ERI3: variants seen among roughly 807,000 people sequenced by gnomAD.
The protein encoded by ERI3 is ERI1 exoribonuclease family member 3, also known as ERI1 exoribonuclease 3.
ERI3 carries 18 observed loss-of-function variants against 44.4 expected under a neutral mutation model. The observed-to-expected ratio is 0.41, with a 90% CI of 0.28 to 0.60. The LOEUF is 0.60. ERI3 is among the 20% of genes least tolerant of loss of function. The pLI, the probability that ERI3 is intolerant of heterozygous loss-of-function variation, is 0.36. For missense variants in ERI3, 294 were observed against 435.5 expected (o/e 0.68, Z 2.89); for synonymous variants, 183 against 164.8 (o/e 1.11, Z -0.84).
chr1:44,257,254 C>A (rs1644800411), intron 7 of ERI3, among the ~76,000 whole-genome samples: 1 of 152,112 alleles, frequency 6.6e-6, no homozygotes, highest in African/African-American at 2.4e-5. Flanking sequence ...TATTACATCT[C>A]TATAATTAAC....
chr1:44,330,979 G>C (rs1646415778), intron 3 of ERI3, among the ~76,000 whole-genome samples: 1 of 152,138 alleles, frequency 6.6e-6, no homozygotes, highest in Non-Finnish European at 1.5e-5. Flanking sequence ...TGGAGGTAGG[G>C]AGAAGTGAAG....
At position 44,235,442 on chromosome 1, in the gene ERI3, G is replaced by A. The variant is rs965963103; in HGVS notation, c.931+12497C>T. The stretch of plus-strand genomic sequence containing the variant: ...GTGCTCCCACAGCAGCCAATTCTCC[G>A]CCTATCGTAACTGCCTCTCCTTCAC... On this transcript the variant is annotated intron_variant, in intron 8 of 8. Transcript: ENST00000372257. The surrounding 1 kb of genome is among the most constrained non-coding windows in gnomAD (Gnocchi z 4.6). Among the ~76,000 whole-genome samples, 8 of 152,000 alleles carry A rather than the reference G, an allele frequency of 5.3e-5. No individual in the cohort carries two copies. Among genetic ancestry groups the A allele is most frequent in the African/African-American group, 1.9e-4 (8 of 41,370 alleles).
chr1:44,335,276 G>A (rs1452391134), intron 3 of ERI3, among the ~76,000 whole-genome samples: 1 of 151,864 alleles, frequency 6.6e-6, no homozygotes, highest in Admixed American at 6.6e-5. Context: ...CCAGGAGGTT[G>A]AGGCTGAAGG....
At position 44,355,219 on chromosome 1, in the gene ERI3, A is replaced by T; in HGVS notation, c.-193T>A. ...ACCGCCCGTTCCCGGCCGCCTGAAC[A>T]GCGGCAGCCAGCACCACGAGTCCAC... is the stretch of plus-strand genomic sequence containing the variant. On this transcript the variant is annotated 5_prime_UTR_variant, in exon 1 of 9. Transcript: ENST00000372257. 1 of 1,187,054 alleles carries T rather than the reference A, an allele frequency of 8.4e-7. No homozygotes were observed. The highest frequency in any genetic ancestry group is 1.0e-6 in the Non-Finnish European group (1 of 959,422). The allele number at this position is 1,187,054 out of a possible 1,614,324, so 73.5% of individuals were successfully genotyped here. A position where few individuals can be genotyped will look rare whatever the true frequency, so the allele number is the denominator to read the frequency against.
chr1:44,336,334 A>T (rs779876325), intron 3 of ERI3, among the ~76,000 whole-genome samples: 2 of 152,194 alleles, frequency 1.3e-5, no homozygotes, highest in Non-Finnish European at 2.9e-5. Context: ...AAGCTCTCCC[A>T]TAAAAAAGGG....
intron 7 of ERI3, among the ~76,000 whole-genome samples, chr1:44,272,920 G>GT (rs571018430): frequency 5.2e-4 from 78 of 151,266 alleles, no homozygotes; most frequent in Admixed American, 2.1e-3. Context: ...ATTTACTATA[G>GT]TTTTTTTTTC....
intron 8 of ERI3, among the ~76,000 whole-genome samples, chr1:44,237,176 T>C (rs944295854): frequency 2.0e-5 from 3 of 152,008 alleles, no homozygotes; most frequent in African/African-American, 4.8e-5. Flanking sequence ...AACCCTATGG[T>C]AGAACCAGGA....
At chr1:44,282,007 T>C (rs924747406) in intron 7 of ERI3, among the ~76,000 whole-genome samples, 2 of 151,038 alleles carry the variant, frequency 1.3e-5, no homozygotes, top group Admixed American at 6.6e-5. Context: ...CTGTCTAAGA[T>C]GACAGCTCAA....
chr1:44,249,237 G>C (rs1385194494), intron 7 of ERI3, among the ~76,000 whole-genome samples: 2 of 152,180 alleles, frequency 1.3e-5, no homozygotes, highest in African/African-American at 4.8e-5. Flanking sequence ...GCAGTGGTCA[G>C]AATGAAGCTT....
intron 7 of ERI3, among the ~76,000 whole-genome samples, chr1:44,267,701 C>A (rs1645016092): frequency 6.6e-6 from 1 of 152,220 alleles, no homozygotes; most frequent in South Asian, 2.1e-4. Flanking sequence ...AAGTAGGTGC[C>A]AAGCCCAGGC....
chr1:44,287,055 C>A (rs1405902308), intron 6 of ERI3, among the ~76,000 whole-genome samples: 2 of 152,194 alleles, frequency 1.3e-5, no homozygotes, highest in Non-Finnish European at 2.9e-5. Context: ...GTGATAAAAG[C>A]ATGCTTCCCC....
chr1:44,266,982 A>T (rs1217076437), intron 7 of ERI3, among the ~76,000 whole-genome samples: 1 of 152,238 alleles, frequency 6.6e-6, no homozygotes, highest in Admixed American at 6.5e-5. Flanking sequence ...TAGTAAGAGA[A>T]GGGAAGCTGA....
At chr1:44,290,037 T>C (rs957563589) in intron 6 of ERI3, among the ~76,000 whole-genome samples, 1 of 152,216 alleles carries the variant, frequency 6.6e-6, no homozygotes, top group Non-Finnish European at 1.5e-5. Context: ...GGGAGATGCA[T>C]GTCATTCTCA....
At chr1:44,256,520 G>A (rs1174794429) in intron 7 of ERI3, among the ~76,000 whole-genome samples, 1 of 152,120 alleles carries the variant, frequency 6.6e-6, no homozygotes, top group African/African-American at 2.4e-5. Flanking sequence ...GTGTTCTCCG[G>A]CTACCAACAT....
rs1475830994 is a variant in ERI3, at chr1:44,252,521, G to T, written c.832-4483C>A. Among the ~76,000 whole-genome samples the T allele has an allele frequency of 6.6e-6, 1 of 152,210 alleles. No homozygotes were observed. Among genetic ancestry groups the T allele is most frequent in the Non-Finnish European group, 1.5e-5 (1 of 68,036 alleles). On this transcript the variant is annotated intron_variant, in intron 7 of 8. Coordinates refer to ENST00000372257, the MANE Select transcript of ERI3 (RefSeq NM_024066.3). This position sits in a 1 kb window ranked among gnomAD's most constrained non-coding sequence, Gnocchi z 4.7. The stretch of plus-strand genomic sequence containing the variant: ...ACCTCAGCGCAGCCTGCTATTACAT[G>T]CAAACACTGATCGCCCTGTGAAATT...
rs896641294 is a variant in ERI3, at chr1:44,235,363, C to T, written c.931+12576G>A. Among the ~76,000 whole-genome samples, 2 of 152,156 alleles carry T rather than the reference C, an allele frequency of 1.3e-5. No homozygotes were observed. The highest frequency in any genetic ancestry group is 2.9e-5 in the Non-Finnish European group (2 of 68,034). On this transcript the variant is annotated intron_variant, in intron 8 of 8. Transcript: ENST00000372257. This position sits in a 1 kb window ranked among gnomAD's most constrained non-coding sequence, Gnocchi z 4.6. ...CTCTCAGGACCCAGGCTTGCTAGTG[C>T]TTCCTCTAGGTGCCTTCCCCCCATC...
intron 7 of ERI3, among the ~76,000 whole-genome samples, chr1:44,250,241 G>A (rs1176470779): frequency 6.6e-6 from 1 of 152,240 alleles, no homozygotes; most frequent in Non-Finnish European, 1.5e-5. Context: ...TAAAGCGACG[G>A]GCGGGCGGCA....
chr1:44,315,217 C>A (rs1385208851), intron 4 of ERI3, among the ~76,000 whole-genome samples: 1 of 152,188 alleles, frequency 6.6e-6, no homozygotes, highest in Non-Finnish European at 1.5e-5. Context: ...AAGGTTAGGT[C>A]CACTCCTTCT....
At chr1:44,313,531 T>C (rs1427802918) in intron 4 of ERI3, among the ~76,000 whole-genome samples, 1 of 152,200 alleles carries the variant, frequency 6.6e-6, no homozygotes, top group Non-Finnish European at 1.5e-5. Context: ...AGCTTTCAGT[T>C]TGCAAACAAA....
Sources: allele counts gnomAD v4.1 joint callset (sites outside exome capture counted in the v4.1 genomes callset), GRCh38; gene constraint gnomAD v4.1.1; non-coding constraint Gnocchi (gnomAD v3.1); transcripts MANE v1.5; gene names NCBI Gene and HGNC (gene_info 2026-07-23, HGNC 2026-07-21).